Variants in DNAI7 observed in about 807,000 individuals in gnomAD.
DNAI7 encodes dynein axonemal intermediate chain 7, also known as cancer susceptibility 1.
Under a neutral mutation model 86.6 loss-of-function variants are expected in DNAI7, and 78 were observed. That is an observed-to-expected ratio of 0.90 (90% CI 0.75 to 1.09). The LOEUF is 1.09. Ranked by LOEUF, DNAI7 falls within the 50% of genes least tolerant of loss-of-function variation. The pLI is 0.00. For missense variants in DNAI7, 753 were observed against 810.2 expected, an observed-to-expected ratio of 0.93 and a Z score of 0.86; for synonymous variants, 274 against 273.0, an observed-to-expected ratio of 1.00 and a Z score of -0.04.
At chr12:25,172,191 A>G (rs1301170690) in intron 2 of DNAI7, among the ~76,000 whole-genome samples, 1 of 152,140 alleles carries the variant, frequency 6.6e-6, no homozygotes, top group African/African-American at 2.4e-5. Flanking sequence ...TTTGCTGGCA[A>G]TATGATAGTT....
chr12:25,150,572 C>A (rs940615025), intron 6 of DNAI7, among the ~76,000 whole-genome samples: 1 of 137,426 alleles, frequency 7.3e-6, no homozygotes, highest in African/African-American at 2.8e-5. Context: ...CCACTGCACT[C>A]CAGCCTGGGA....
At chr12:25,148,207 G>A (rs964035703) in intron 7 of DNAI7, among the ~76,000 whole-genome samples, 3 of 152,060 alleles carry the variant, frequency 2.0e-5, no homozygotes, top group African/African-American at 7.2e-5. Context: ...TTTCCTCATG[G>A]CATTGTTTAA....
At chr12:25,157,059 C>T (rs1373712910) in intron 4 of DNAI7, among the ~76,000 whole-genome samples, 2 of 151,994 alleles carry the variant, frequency 1.3e-5, no homozygotes, top group South Asian at 2.1e-4. Flanking sequence ...GAGGCCGAGG[C>T]GGGTGGATCA....
chr12:25,167,445 T>G (rs1336887633), intron 2 of DNAI7, among the ~76,000 whole-genome samples: 1 of 152,162 alleles, frequency 6.6e-6, no homozygotes, highest in Non-Finnish European at 1.5e-5. Flanking sequence ...GTTCTATTGT[T>G]TAGTTTTATA....
chr12:25,127,096 T>C (rs1300389412), intron 9 of DNAI7, among the ~76,000 whole-genome samples: 1 of 123,746 alleles, frequency 8.1e-6, no homozygotes, highest in Non-Finnish European at 1.9e-5. Flanking sequence ...TTTAGCTCAA[T>C]TGACTCTTTT....
At chr12:25,183,078 T>C (rs1268857173) in intron 2 of DNAI7, among the ~76,000 whole-genome samples, 1 of 152,140 alleles carries the variant, frequency 6.6e-6, no homozygotes, top group East Asian at 1.9e-4. Flanking sequence ...AATGAAATTA[T>C]GTCCTTTGCA....
At chr12:25,173,773 A>G (rs1205531192) in intron 2 of DNAI7, among the ~76,000 whole-genome samples, 1 of 151,422 alleles carries the variant, frequency 6.6e-6, no homozygotes, top group Non-Finnish European at 1.5e-5. Context: ...CACACAAATC[A>G]TATATATACA....
intron 8 of DNAI7, 30 bp from the exon 9 acceptor site, chr12:25,144,707 A>G (rs1290772902): frequency 1.3e-6 from 2 of 1,537,438 alleles, no homozygotes; most frequent in South Asian, 1.2e-5. Context: ...ACAAAAAAAG[A>G]TGAGACCCTA....
intron 10 of DNAI7, among the ~76,000 whole-genome samples, chr12:25,122,897 A>C (rs553105033): frequency 6.6e-6 from 1 of 152,354 alleles, no homozygotes; most frequent in South Asian, 2.1e-4. Flanking sequence ...TCTTAGAATA[A>C]TGTTGAATAT....
chr12:25,130,530 C>T (rs1942772616), intron 9 of DNAI7, among the ~76,000 whole-genome samples: 1 of 140,924 alleles, frequency 7.1e-6, no homozygotes. Flanking sequence ...GAGCGAGACT[C>T]CCTCTCAAAA....
intron 4 of DNAI7, among the ~76,000 whole-genome samples, chr12:25,158,098 A>G (rs536567308): frequency 9.2e-5 from 14 of 152,208 alleles, no homozygotes; most frequent in East Asian, 7.7e-4. Flanking sequence ...GTGTGGTGGC[A>G]GGCACCTGTA....
rs1946779626 is a variant in DNAI7 at position 25,160,985 on chromosome 12, T to C, written c.106+128A>G. 20 of 628,998 alleles carry C rather than the reference T, an allele frequency of 3.2e-5. No homozygotes were observed. The South Asian group carries it at 3.9e-4, about 12-fold the overall frequency. The allele number at this position is 628,998 out of a possible 1,614,324, so 39.0% of individuals were successfully genotyped here. ...TTCTGGATACTTTCTAAAAGATAGA[T>C]ACCTATTATAAAACAGATTAAATTT... On this transcript the variant is annotated intron_variant, in intron 3 of 15. Transcript: ENST00000395987.
chr12:25,119,076 A>C (rs1940758181), intron 12 of DNAI7, 69 bp downstream of exon 12: 29 of 1,285,254 alleles, frequency 2.3e-5, no homozygotes, highest in Non-Finnish European at 3.1e-5. Flanking sequence ...AATACACTAC[A>C]CTTTCTGTTT....
intron 2 of DNAI7, among the ~76,000 whole-genome samples, chr12:25,182,371 C>T (rs952346928): frequency 2.0e-5 from 3 of 146,692 alleles, no homozygotes; most frequent in Non-Finnish European, 4.5e-5. Flanking sequence ...AAAAAAGACA[C>T]CTGTACTAGT....
At chr12:25,167,665 A>T (rs748204477) in intron 2 of DNAI7, among the ~76,000 whole-genome samples, 2 of 151,652 alleles carry the variant, frequency 1.3e-5, no homozygotes, top group Non-Finnish European at 2.9e-5. Context: ...GTCTCCCTAT[A>T]CCTCCGAACT....
At chr12:25,180,927 C>T (rs563784898) in intron 2 of DNAI7, among the ~76,000 whole-genome samples, 2 of 152,270 alleles carry the variant, frequency 1.3e-5, no homozygotes, top group South Asian at 4.1e-4. Flanking sequence ...CTGCTTCAGC[C>T]TCCTGAGTAG....
At chr12:25,151,896 C>T (rs1945589945) in intron 6 of DNAI7, among the ~76,000 whole-genome samples, 1 of 152,116 alleles carries the variant, frequency 6.6e-6, no homozygotes, top group Non-Finnish European at 1.5e-5. Context: ...GTCTACAGTT[C>T]TACCCTCTTA....
intron 1 of DNAI7, chr12:25,192,587 G>A (rs1407893686): frequency 6.6e-6 from 1 of 152,234 alleles, no homozygotes; most frequent in Non-Finnish European, 1.5e-5. Flanking sequence ...AGCACTTTGG[G>A]AGGCCGAGGC....
intron 9 of DNAI7, among the ~76,000 whole-genome samples, chr12:25,134,473 C>T (rs531741857): frequency 6.6e-6 from 1 of 150,904 alleles, no homozygotes; most frequent in South Asian, 2.1e-4. Context: ...TCTCGTGCCT[C>T]AGCCTCCCGA....
Sources: gnomAD v4.1 joint callset for allele counts (sites outside exome capture counted in the v4.1 genomes callset) on GRCh38, gnomAD v4.1.1 for gene constraint, MANE v1.5 for transcripts, NCBI Gene and HGNC (gene_info 2026-07-23, HGNC 2026-07-21) for gene names.